JAKMIP3: variants seen among roughly 807,000 people sequenced by gnomAD.
JAKMIP3 encodes the protein Janus kinase and microtubule interacting protein 3.
A neutral mutation model predicts 118.5 loss-of-function variants in JAKMIP3; 58 were observed. The observed-to-expected ratio is 0.49, with a 90% CI of 0.40 to 0.61. JAKMIP3 has a LOEUF of 0.61. Among genes scored for constraint, JAKMIP3 ranks in the 20% least tolerant of loss-of-function variants. The pLI, the probability that JAKMIP3 is intolerant of heterozygous loss-of-function variation, is 0.00. For synonymous variants in JAKMIP3, 486 were observed against 451.2 expected (o/e 1.08, Z -0.98); for missense variants, 950 against 1,109.0 (o/e 0.86, Z 2.04).
At position 132,180,630 on chromosome 10, in the gene JAKMIP3, TGTGCGTGC is replaced by T. The variant is rs1329793974; in HGVS notation, c.*1104-1723_*1104-1716del. Among the ~76,000 whole-genome samples, 12 of 37,092 alleles carry T rather than the reference TGTGCGTGC, an allele frequency of 3.2e-4. 3 individuals are homozygous for T. In the East Asian group the frequency reaches 9.5e-3, roughly 29 times the overall value. 24.3% of individuals were successfully genotyped at this position (37,092 alleles called of 152,430 possible). A position where few individuals can be genotyped will look rare whatever the true frequency, so the allele number is the denominator to read the frequency against. On this transcript the variant is annotated intron_variant, in intron 23 of 23. Coordinates refer to ENST00000684848, the MANE Select transcript of JAKMIP3 (RefSeq NM_001323087.2). ...GTGTGTGTGTGCGTGTGTGTGCGTG[TGTGCGTGC>T]GTGTGTGCGTGTGCGTGTGCGTGTG...
chr10:132,168,183 T>C lies in JAKMIP3; in HGVS notation c.*253T>C. On this transcript the variant is annotated 3_prime_UTR_variant, in exon 23 of 24. Transcript: ENST00000684848. The stretch of plus-strand genomic sequence containing the variant: ...CTCGGGGGCTTCTCCGGGACGGGCC[T>C]GGCCTTGGCTGCTGGACCCTGGGTC... 1 of 1,288,394 alleles carries C rather than the reference T, an allele frequency of 7.8e-7. No homozygotes were observed. The highest frequency in any genetic ancestry group is 1.0e-6 in the Non-Finnish European group (1 of 988,268). The allele number at this position is 1,288,394 out of a possible 1,614,324, so 79.8% of individuals were successfully genotyped here. A position where few individuals can be genotyped will look rare whatever the true frequency, so the allele number is the denominator to read the frequency against.
chr10:132,068,633 C>G (rs2039321427), intron 1 of JAKMIP3, among the ~76,000 whole-genome samples: 1 of 152,172 alleles, frequency 6.6e-6, no homozygotes, highest in African/African-American at 2.4e-5. Context: ...TGTCCTGCAC[C>G]TTAGCCCCAG....
At chr10:132,077,284 G>A (rs559002562) in intron 1 of JAKMIP3, among the ~76,000 whole-genome samples, 8 of 152,282 alleles carry the variant, frequency 5.3e-5, no homozygotes, top group African/African-American at 1.9e-4. Context: ...TCCGAAAGAG[G>A]GTTCTGGGCA....
chr10:132,137,199 G>A lies in JAKMIP3; in HGVS notation c.1248+49G>A, dbSNP rs369946580. The stretch of plus-strand genomic sequence containing the variant: ...GGCCCCGTCCTCTGGCTCCCAAGGG[G>A]CTTGGCTAACAGGGACCCTGAGCAA... On this transcript the variant is annotated intron_variant, in intron 7 of 23. Transcript: ENST00000684848. 88 of 1,613,922 alleles carry A rather than the reference G, an allele frequency of 5.5e-5. No individual in the cohort carries two copies. The African/African-American group carries it at 1.0e-3, about 19-fold the overall frequency.
At chr10:132,036,676 C>G (rs1185129749), upstream of JAKMIP3, among the ~76,000 whole-genome samples, 1 of 150,520 alleles carries the variant, frequency 6.6e-6, no homozygotes, top group Non-Finnish European at 1.5e-5. Flanking sequence ...CCCCGCCCGC[C>G]GCCTCTGCCA....
At chr10:132,174,922 G>C (rs909432207) in intron 23 of JAKMIP3, among the ~76,000 whole-genome samples, 1 of 152,112 alleles carries the variant, frequency 6.6e-6, no homozygotes, top group African/African-American at 2.4e-5. Context: ...TGAAACATCT[G>C]TTCAGATCAT....
rs145409897 is a variant in JAKMIP3, at chr10:132,153,934, G to C, written c.2164G>C (p.Gly722Arg). ...TCAGGAGCTGTTCAGTAAGCAGAAG[G>C]GCTACCTGGACGAGGAGCTGGACTA... is the stretch of plus-strand genomic sequence containing the variant. ...SEKELFSKQKGYLDEELDYRK... is the reference protein window; with the variant it reads ...SEKELFSKQKRYLDEELDYRK... Residue 722 changes from glycine (G) to arginine (R), a missense_variant, in exon 19 of 24, where the codon GGC (glycine) becomes CGC (arginine). Gly to Arg is a moderately radical substitution (Grantham distance 125, BLOSUM62 -2). Transcript: ENST00000684848. 1.9e-6 allele frequency: 3 copies of C among 1,613,104 alleles called. No homozygotes were observed. The East Asian group carries it at 6.7e-5, about 36-fold the overall frequency.
At chr10:132,150,192 A>G (rs2055815164) in intron 16 of JAKMIP3, among the ~76,000 whole-genome samples, 151 bp downstream of exon 16, 1 of 151,598 alleles carries the variant, frequency 6.6e-6, no homozygotes, top group Non-Finnish European at 1.5e-5. Flanking sequence ...CCTGCTCAGA[A>G]TCGGAGCCTT....
rs1404604066 is a variant in JAKMIP3 at position 132,142,021 on chromosome 10, G to A, written c.1575G>A (p.Gly525=). Reference sequence around the variant, plus strand: ...CTTTGTTGCAGGAGCAGGTTGGAGGGACGCTGGACGCAGAGCGAGAAGTTA... The same window carrying A: ...CTTTGTTGCAGGAGCAGGTTGGAGGAACGCTGGACGCAGAGCGAGAAGTTA... ...AYALLQEQVG[G]TLDAEREVKT... is the part of the protein sequence containing the mutation. The change falls in exon 11 of 24, where the codon GGG becomes GGA. Residue 525 remains glycine, a synonymous_variant. Transcript: ENST00000684848. The A allele has an allele frequency of 1.9e-6, 3 of 1,608,752 alleles. No individual in the cohort carries two copies. Among genetic ancestry groups the A allele is most frequent in the East Asian group, 2.2e-5 (1 of 44,690 alleles).
At chr10:132,079,782 T>C (rs972748329) in intron 1 of JAKMIP3, among the ~76,000 whole-genome samples, 2 of 152,232 alleles carry the variant, frequency 1.3e-5, no homozygotes, top group East Asian at 3.8e-4. Context: ...CCTTCCATTT[T>C]CTGTTTCTAT....
rs1006123677 is a variant in JAKMIP3, at chr10:132,112,449, T to C, written c.136-4628T>C. Among the ~76,000 whole-genome samples the C allele has an allele frequency of 2.0e-5, 3 of 152,166 alleles. No individual in the cohort carries two copies. Among genetic ancestry groups the C allele is most frequent in the African/African-American group, 7.2e-5 (3 of 41,440 alleles). ...CCACCTCATGCCTGCTTCCAGAACA[T>C]TCCATCCCGCCTCTGTTCTTTCGGG... On this transcript the variant is annotated intron_variant, in intron 2 of 23. Transcript: ENST00000684848. The surrounding 1 kb of genome is among the most constrained non-coding windows in gnomAD (Gnocchi z 4.3).
chr10:132,073,499 T>A (rs1353520746), intron 1 of JAKMIP3, among the ~76,000 whole-genome samples: 5 of 150,742 alleles, frequency 3.3e-5, no homozygotes, highest in African/African-American at 4.8e-5. Flanking sequence ...TTTACTTTTT[T>A]TTTTTTTTTT....
chr10:132,159,748 G>T (rs1296669600), intron 19 of JAKMIP3, among the ~76,000 whole-genome samples: 4 of 73,066 alleles, frequency 5.5e-5, no homozygotes, highest in South Asian at 7.2e-4. Flanking sequence ...GATACTGGGG[G>T]GGCCTCTTCC....
chr10:132,039,214 G>C (rs548274876), intron 1 of JAKMIP3, among the ~76,000 whole-genome samples: 1 of 152,254 alleles, frequency 6.6e-6, no homozygotes, highest in East Asian at 1.9e-4. Context: ...TTGAACTCCT[G>C]ATCTCAAGTG....
chr10:132,139,636 C>T (rs1227904160), intron 9 of JAKMIP3, among the ~76,000 whole-genome samples: 2 of 149,884 alleles, frequency 1.3e-5, no homozygotes, highest in African/African-American at 2.5e-5. Context: ...CCAGGCTCTC[C>T]CCGCTCGGGA....
chr10:132,055,808 G>A (rs1430318777), intron 1 of JAKMIP3, among the ~76,000 whole-genome samples: 1 of 152,162 alleles, frequency 6.6e-6, no homozygotes, highest in Admixed American at 6.5e-5. Flanking sequence ...GTGCCATCAG[G>A]CGACCTGGAG....
At chr10:132,139,894 T>A (rs1354082453) in intron 9 of JAKMIP3, among the ~76,000 whole-genome samples, 1 of 152,132 alleles carries the variant, frequency 6.6e-6, no homozygotes, top group East Asian at 1.9e-4. Context: ...TTGTAACACT[T>A]CTGAAGGGGA....
chr10:132,137,050 G>A lies in JAKMIP3; in HGVS notation c.1148G>A (p.Ser383Asn). Residue 383 changes from serine to asparagine, a missense_variant, in exon 7 of 24, where the codon AGT becomes AAT. Ser to Asn is a conservative substitution (Grantham distance 46). Transcript: ENST00000684848. ...RQRAGIIRRPSSLNDLDQSQD... is the reference protein window; with the variant it reads ...RQRAGIIRRPNSLNDLDQSQD... Reference sequence around the variant, plus strand: ...AGAGCTGGAATCATACGGAGACCCAGTTCCTTGAATGACCTTGATCAAAGT... The same window carrying A: ...AGAGCTGGAATCATACGGAGACCCAATTCCTTGAATGACCTTGATCAAAGT... The A allele has an allele frequency of 6.2e-7, 1 of 1,613,952 alleles. No individual in the cohort carries two copies. The highest frequency in any genetic ancestry group is 8.5e-7 in the Non-Finnish European group (1 of 1,179,866).
chr10:132,137,096 T>C lies in JAKMIP3; in HGVS notation c.1194T>C (p.Asp398=). 1 of 1,613,952 alleles carries C rather than the reference T, an allele frequency of 6.2e-7. No individual in the cohort carries two copies. Among genetic ancestry groups the C allele is most frequent in the Non-Finnish European group, 8.5e-7 (1 of 1,179,882 alleles). Residue 398 remains aspartate, a synonymous_variant, in exon 7 of 24, where the codon GAT becomes GAC. Transcript: ENST00000684848. ...LDQSQDEREV[D]FLKLQIVEQQ... is the part of the protein sequence containing the mutation. ...AAAGTCAGGATGAGAGAGAAGTCGATTTCTTGAAGCTTCAGATTGTGGAGC... is the reference window on the plus strand; with the variant it reads ...AAAGTCAGGATGAGAGAGAAGTCGACTTCTTGAAGCTTCAGATTGTGGAGC...
Sources: allele counts gnomAD v4.1 joint callset (sites outside exome capture counted in the v4.1 genomes callset), GRCh38; gene constraint gnomAD v4.1.1; non-coding constraint Gnocchi (gnomAD v3.1); transcripts MANE v1.5; gene names NCBI Gene and HGNC (gene_info 2026-07-23, HGNC 2026-07-21).